AOAH: variants seen among roughly 807,000 people sequenced by gnomAD.
AOAH encodes acyloxyacyl hydrolase (neutrophil).
Under a neutral mutation model 92.2 loss-of-function variants are expected in AOAH, and 64 were observed. The observed-to-expected ratio is 0.69, with a 90% CI of 0.57 to 0.86. The LOEUF (loss-of-function observed/expected upper bound fraction) is 0.86. Ranked by LOEUF, AOAH falls within the 40% of genes least tolerant of loss-of-function variation. The pLI, the probability that AOAH is intolerant of heterozygous loss-of-function variation, is 0.00. For synonymous variants in AOAH, 263 were observed against 254.5 expected (o/e 1.03, Z -0.32); for missense variants, 656 against 694.6 (o/e 0.94, Z 0.62).
chr7:36,532,587 G>A (rs1242411145), intron 16 of AOAH, among the ~76,000 whole-genome samples: 1 of 152,202 alleles, frequency 6.6e-6, no homozygotes, highest in Non-Finnish European at 1.5e-5. Context: ...CTGTGGGCAT[G>A]GGCCTGGATG....
intron 13 of AOAH, among the ~76,000 whole-genome samples, chr7:36,557,511 C>T (rs1436408291): frequency 6.6e-6 from 1 of 152,062 alleles, no homozygotes; most frequent in African/African-American, 2.4e-5. Flanking sequence ...CTCTGTATTT[C>T]CTGAATCTGA....
intron 1 of AOAH, among the ~76,000 whole-genome samples, chr7:36,695,989 C>T (rs1045739482): frequency 2.0e-5 from 3 of 152,146 alleles, no homozygotes; most frequent in African/African-American, 7.2e-5. Context: ...TCTCCCTCAT[C>T]CTTTTTTTAC....
intron 12 of AOAH, 27 bp from the exon 13 acceptor site, chr7:36,576,683 TAAG>T: frequency 6.4e-6 from 8 of 1,252,612 alleles, no homozygotes; most frequent in African/African-American, 1.5e-5. Context: ...TGTATATATT[TAAG>T]GTCAGGATAC....
At chr7:36,605,796 G>C (rs1239711966) in intron 11 of AOAH, among the ~76,000 whole-genome samples, 2 of 152,196 alleles carry the variant, frequency 1.3e-5, no homozygotes, top group East Asian at 3.9e-4. Flanking sequence ...CAGAATTCAA[G>C]AACGGCCTGT....
In AOAH at chr7:36,522,075, C is replaced by A; in HGVS notation, c.1563G>T (p.Gln521His). 3.7e-6 allele frequency: 6 copies of A among 1,614,216 alleles called. No homozygotes were observed. Among genetic ancestry groups the A allele is most frequent in the Non-Finnish European group, 5.1e-6 (6 of 1,180,028 alleles). ...EWQKRGGQPW[Q>H]LIEPVDGFHP... ...GGAATCCATCCACGGGCTCGATGAG[C>A]TGCCAGGGCTGTCCGCCTCTCTTCT... The change falls in exon 20 of 21, where the codon CAG (glutamine) becomes CAT (histidine). Residue 521 changes from glutamine to histidine, a missense_variant. Physicochemically the swap from Gln to His is conservative, Grantham distance 24. Transcript: ENST00000617537.
At chr7:36,564,970 GAAT>G (rs1434526695) in intron 13 of AOAH, among the ~76,000 whole-genome samples, 1 of 152,120 alleles carries the variant, frequency 6.6e-6, no homozygotes, top group Non-Finnish European at 1.5e-5. Flanking sequence ...TTAAAAATGG[GAAT>G]AATAAATAAT....
intron 11 of AOAH, among the ~76,000 whole-genome samples, chr7:36,611,881 T>C (rs73338197): frequency 0.013 from 1,911 of 152,276 alleles, 44 homozygotes; most frequent in African/African-American, 0.043. Flanking sequence ...TTACAGAGTC[T>C]CTGGTTAAGC....
intron 11 of AOAH, among the ~76,000 whole-genome samples, chr7:36,615,975 G>A (rs928418043): frequency 6.6e-6 from 1 of 152,076 alleles, no homozygotes; most frequent in Non-Finnish European, 1.5e-5. Context: ...CTTCCGTGGA[G>A]CACAGCAGAG....
intron 6 of AOAH, among the ~76,000 whole-genome samples, chr7:36,630,477 C>A (rs1792993766): frequency 6.6e-6 from 1 of 152,186 alleles, no homozygotes; most frequent in Non-Finnish European, 1.5e-5. Context: ...TAAAGCATCA[C>A]TTGTATGTGT....
chr7:36,549,306 T>A, intron 14 of AOAH, 133 bp downstream of exon 14: 1 of 692,442 alleles, frequency 1.4e-6, no homozygotes, highest in South Asian at 1.6e-5. Flanking sequence ...CAAGGAGTGA[T>A]ATCCTTGAGT....
intron 12 of AOAH, among the ~76,000 whole-genome samples, chr7:36,581,721 A>C (rs933017152): frequency 1.3e-5 from 2 of 152,218 alleles, no homozygotes; most frequent in African/African-American, 4.8e-5. Context: ...TTAATATTAT[A>C]GATACAGTTA....
chr7:36,670,710 C>T (rs1047335407), intron 3 of AOAH, among the ~76,000 whole-genome samples: 5 of 152,102 alleles, frequency 3.3e-5, no homozygotes, highest in Non-Finnish European at 7.4e-5. Flanking sequence ...CTCCTGACCT[C>T]GTGATCCGCC....
intron 12 of AOAH, among the ~76,000 whole-genome samples, chr7:36,587,379 G>A (rs1364799489): frequency 6.6e-6 from 1 of 151,922 alleles, no homozygotes; most frequent in African/African-American, 2.4e-5. Context: ...GATAACTATG[G>A]ATAGCTGTCT....
At chr7:36,722,671 C>T (rs1562733634) in intron 1 of AOAH, among the ~76,000 whole-genome samples, 2 of 150,610 alleles carry the variant, frequency 1.3e-5, no homozygotes, top group Non-Finnish European at 2.9e-5. Context: ...CGCGGTGGCT[C>T]ATGCCTGTAA....
chr7:36,540,639 T>C, intron 15 of AOAH, 148 bp from the exon 16 acceptor site: 2 of 712,488 alleles, frequency 2.8e-6, no homozygotes, highest in Admixed American at 3.2e-5. Context: ...AAAATATTCC[T>C]GGATTTCCAC....
chr7:36,527,473 A>G (rs1216814255), intron 19 of AOAH, among the ~76,000 whole-genome samples: 1 of 152,026 alleles, frequency 6.6e-6, no homozygotes, highest in African/African-American at 2.4e-5. Flanking sequence ...TAATGGATGC[A>G]TTTCTACCAT....
At position 36,517,212 on chromosome 7, in the gene AOAH, T is replaced by TTCTTTCTTTCTTTCTTTCTTTCTTTC. The variant is rs1474223898; in HGVS notation, c.1600-3833_1600-3832insGAAAGAAAGAAAGAAAGAAAGAAAGA. On this transcript the variant is annotated intron_variant, in intron 20 of 20. Transcript: ENST00000617537. Reference sequence around the variant, plus strand: ...TTTCTTTCTTTCTTTCTTTCTTTCTTTCTCTTTCTTTCTGTCTCTCTCTCT... The same window carrying TTCTTTCTTTCTTTCTTTCTTTCTTTC: ...TTTCTTTCTTTCTTTCTTTCTTTCTTTCTTTCTTTCTTTCTTTCTTTCTTTCTCTCTTTCTTTCTGTCTCTCTCTCT... Among the ~76,000 whole-genome samples the TTCTTTCTTTCTTTCTTTCTTTCTTTC allele has an allele frequency of 9.3e-3, 197 of 21,142 alleles. 5 individuals are homozygous for TTCTTTCTTTCTTTCTTTCTTTCTTTC. Among genetic ancestry groups the TTCTTTCTTTCTTTCTTTCTTTCTTTC allele is most frequent in the African/African-American group, 0.017 (163 of 9,336 alleles). The allele number at this position is 21,142 out of a possible 152,430, so 13.9% of individuals were successfully genotyped here. A position where few individuals can be genotyped will look rare whatever the true frequency, so the allele number is the denominator to read the frequency against.
chr7:36,602,364 C>T (rs577454199), intron 11 of AOAH, among the ~76,000 whole-genome samples: 2 of 151,696 alleles, frequency 1.3e-5, no homozygotes, highest in African/African-American at 2.4e-5. Flanking sequence ...TCGAGGGATG[C>T]ATTTCTCTCA....
At chr7:36,664,228 TAGG>T (rs1795403147) in intron 3 of AOAH, among the ~76,000 whole-genome samples, 2 of 152,198 alleles carry the variant, frequency 1.3e-5, no homozygotes, top group Admixed American at 1.3e-4. Context: ...CCTACACTTT[TAGG>T]AGTTCTGTAG....
Sources: gnomAD v4.1 joint callset for allele counts (sites outside exome capture counted in the v4.1 genomes callset) on GRCh38, gnomAD v4.1.1 for gene constraint, MANE v1.5 for transcripts, NCBI Gene and HGNC (gene_info 2026-07-23, HGNC 2026-07-21) for gene names.